Variants in GAP43 observed in about 807,000 individuals in gnomAD.
The protein encoded by GAP43 is neuromodulin.
A neutral mutation model predicts 18.6 loss-of-function variants in GAP43; 6 were observed. The observed-to-expected ratio is 0.32, with a 90% CI of 0.18 to 0.64. GAP43 has a LOEUF of 0.64. GAP43 is among the 30% of genes least tolerant of loss of function. GAP43 has a pLI of 0.78. For synonymous variants in GAP43, 115 were observed against 111.4 expected (o/e 1.03, Z -0.20); for missense variants, 292 against 295.5 (o/e 0.99, Z 0.09).
chr3:115,712,460 G>T (rs1349199095), intron 2 of GAP43, among the ~76,000 whole-genome samples: 1 of 152,064 alleles, frequency 6.6e-6, no homozygotes, highest in East Asian at 1.9e-4. Context: ...CTAGAATTAG[G>T]TTGAGTGAAT....
chr3:115,703,162 A>G (rs1709317044), intron 2 of GAP43, among the ~76,000 whole-genome samples: 1 of 152,126 alleles, frequency 6.6e-6, no homozygotes, highest in Admixed American at 6.6e-5. Context: ...TTATGAAATC[A>G]AGGAGAACAC....
chr3:115,676,040 A>C lies in GAP43; in HGVS notation c.58A>C (p.Ile20Leu). 6.2e-7 allele frequency: 1 copy of C among 1,606,432 alleles called. No individual in the cohort carries two copies. Among genetic ancestry groups the C allele is most frequent in the Non-Finnish European group, 8.5e-7 (1 of 1,177,520 alleles). Residue 20 changes from isoleucine to leucine, a missense_variant, in exon 2 of 3, where the codon ATT becomes CTT. Ile to Leu is a conservative substitution (Grantham distance 5). Coordinates refer to ENST00000305124, the MANE Select transcript of GAP43 (RefSeq NM_002045.4). ...QVEKNDDDQK[I>L]EQDGIKPEDK... is the part of the protein sequence containing the mutation. The stretch of plus-strand genomic sequence containing the variant: ...TGAAAAAAATGATGACGACCAAAAG[A>C]TTGAACAAGATGGTATCAAACCAGA...
chr3:115,636,829 GTCTC>G (rs1708335866), intron 1 of GAP43, among the ~76,000 whole-genome samples: 2 of 151,930 alleles, frequency 1.3e-5, no homozygotes, highest in African/African-American at 4.8e-5. Flanking sequence ...AATAAATTTA[GTCTC>G]TCTCAGTTGT....
chr3:115,669,000 A>G (rs1230825018), intron 1 of GAP43, among the ~76,000 whole-genome samples: 1 of 151,638 alleles, frequency 6.6e-6, no homozygotes, highest in Admixed American at 6.6e-5. Flanking sequence ...CATCTGAGAT[A>G]GTGCCACTGC....
intron 1 of GAP43, among the ~76,000 whole-genome samples, chr3:115,633,201 G>C (rs1708284661): frequency 6.6e-6 from 1 of 152,022 alleles, no homozygotes; most frequent in South Asian, 2.1e-4. Flanking sequence ...GAGAAAGAGA[G>C]AGATAAGAGA....
At chr3:115,641,539 C>G (rs73859853) in intron 1 of GAP43, among the ~76,000 whole-genome samples, 75 of 114,280 alleles carry the variant, frequency 6.6e-4, no homozygotes, top group Non-Finnish European at 1.2e-3. Context: ...CACACACACA[C>G]ACACGGTGCT....
At chr3:115,629,937 C>G (rs2107464537) in intron 1 of GAP43, among the ~76,000 whole-genome samples, 1 of 152,242 alleles carries the variant, frequency 6.6e-6, no homozygotes, top group East Asian at 1.9e-4. Flanking sequence ...ATAGACATGA[C>G]AGCCATCAGT....
At chr3:115,698,878 C>T (rs531721412) in intron 2 of GAP43, among the ~76,000 whole-genome samples, 274 of 152,312 alleles carry the variant, frequency 1.8e-3, no homozygotes, top group Non-Finnish European at 3.0e-3. Flanking sequence ...ATAGCCTCAG[C>T]ATTCCCACCA....
At chr3:115,715,933 C>G (rs283362) in intron 2 of GAP43, among the ~76,000 whole-genome samples, 7,319 of 152,216 alleles carry the variant, frequency 0.048, 576 homozygotes, top group African/African-American at 0.16. Context: ...TACAGTGTGG[C>G]CTTACGTAAA....
chr3:115,669,235 C>T (rs1039811876), intron 1 of GAP43, among the ~76,000 whole-genome samples: 1 of 151,912 alleles, frequency 6.6e-6, no homozygotes, highest in Non-Finnish European at 1.5e-5. Flanking sequence ...TATTTCTTTT[C>T]TTGTTAAACC....
At chr3:115,719,497 G>A (rs932469246) in intron 2 of GAP43, among the ~76,000 whole-genome samples, 2 of 152,122 alleles carry the variant, frequency 1.3e-5, no homozygotes, top group African/African-American at 2.4e-5. Flanking sequence ...CCTGCTTGCT[G>A]GAGGGTGCCT....
At chr3:115,683,679 A>C (rs1284584931) in intron 2 of GAP43, among the ~76,000 whole-genome samples, 4 of 152,238 alleles carry the variant, frequency 2.6e-5, no homozygotes, top group Non-Finnish European at 1.5e-5. Flanking sequence ...GTAATTAAAC[A>C]GCTTCAAGGG....
chr3:115,717,426 C>T (rs1458148381), intron 2 of GAP43, among the ~76,000 whole-genome samples: 1 of 151,446 alleles, frequency 6.6e-6, no homozygotes, highest in African/African-American at 2.4e-5. Context: ...TTTCCTGCTT[C>T]AGCCTCCCTA....
intron 1 of GAP43, among the ~76,000 whole-genome samples, chr3:115,658,002 AAC>A (rs1708609010): frequency 1.3e-5 from 2 of 152,162 alleles, no homozygotes; most frequent in South Asian, 4.1e-4. Flanking sequence ...GCGGCCTAGA[AAC>A]AGTTAACCTT....
At chr3:115,714,996 C>CT (rs1307429756) in intron 2 of GAP43, among the ~76,000 whole-genome samples, 1 of 152,110 alleles carries the variant, frequency 6.6e-6, no homozygotes, top group Non-Finnish European at 1.5e-5. Context: ...TTCTCTGTAC[C>CT]TTGCTGTGTC....
intron 2 of GAP43, among the ~76,000 whole-genome samples, chr3:115,695,934 A>C (rs1238871867): frequency 1.3e-5 from 2 of 152,068 alleles, no homozygotes; most frequent in East Asian, 3.8e-4. Context: ...ATTTTTGCCA[A>C]CCTACTGGCT....
Position 115,623,977 on chromosome 3 carries a change from T to C in GAP43, c.30+258T>C, listed in dbSNP as rs559555524. Among the ~76,000 whole-genome samples the C allele has an allele frequency of 1.7e-4, 26 of 152,164 alleles. No homozygotes were observed. The South Asian group carries it at 4.8e-3, about 28-fold the overall frequency. Reference sequence around the variant, plus strand: ...GGCTAGAAATAATTTTTTTTTTTCTTATTAGTGAATGCTCAGCATTTGAGG... The same window carrying C: ...GGCTAGAAATAATTTTTTTTTTTCTCATTAGTGAATGCTCAGCATTTGAGG... On this transcript the variant is annotated intron_variant, in intron 1 of 2. Transcript: ENST00000305124.
At chr3:115,625,395 C>T (rs1446756933) in intron 1 of GAP43, among the ~76,000 whole-genome samples, 2 of 151,822 alleles carry the variant, frequency 1.3e-5, no homozygotes, top group Non-Finnish European at 2.9e-5. Context: ...CTCTCTGTGT[C>T]CTCCTTCATT....
intron 2 of GAP43, among the ~76,000 whole-genome samples, chr3:115,694,733 G>A (rs964033562): frequency 1.3e-5 from 2 of 152,056 alleles, no homozygotes; most frequent in African/African-American, 4.8e-5. Flanking sequence ...TTCAACATGC[G>A]TATCCTCAAG....
Sources: gnomAD v4.1 joint callset for allele counts (sites outside exome capture counted in the v4.1 genomes callset) on GRCh38, gnomAD v4.1.1 for gene constraint, MANE v1.5 for transcripts, NCBI Gene and HGNC (gene_info 2026-07-23, HGNC 2026-07-21) for gene names.